Variants in ERGIC1 observed in about 807,000 individuals in gnomAD.
The protein encoded by ERGIC1 is endoplasmic reticulum-Golgi intermediate compartment protein 1.
Under a neutral mutation model 38.3 loss-of-function variants are expected in ERGIC1, and 19 were observed. The observed-to-expected ratio is 0.50, with a 90% CI of 0.35 to 0.73. The LOEUF (loss-of-function observed/expected upper bound fraction) is 0.73, where lower values mean the gene tolerates loss of function less well. ERGIC1 is among the 30% of genes least tolerant of loss of function. The pLI is 0.01. For missense variants in ERGIC1, 294 were observed against 389.2 expected (o/e 0.76, Z 2.06); for synonymous variants, 124 against 157.6 (o/e 0.79, Z 1.60).
intron 9 of ERGIC1, among the ~76,000 whole-genome samples, chr5:172,946,899 G>T (rs550950640): frequency 6.6e-6 from 1 of 151,572 alleles, no homozygotes; most frequent in Non-Finnish European, 1.5e-5. Flanking sequence ...TTTAAGTCAC[G>T]GGGCCAGGCA....
chr5:172,948,659 C>T (rs1198322448), intron 9 of ERGIC1, among the ~76,000 whole-genome samples: 2 of 152,178 alleles, frequency 1.3e-5, no homozygotes, highest in East Asian at 1.9e-4. Context: ...CTGTAGGGCT[C>T]CTGCTGCTCC....
At chr5:172,922,469 G>A (rs1763545413) in intron 5 of ERGIC1, 1 of 152,696 alleles carries the variant, frequency 6.5e-6, no homozygotes, top group Non-Finnish European at 1.5e-5. Context: ...GCTGTAGCAG[G>A]TAAGGGGATG....
At chr5:172,850,486 C>T (rs966913173) in intron 1 of ERGIC1, among the ~76,000 whole-genome samples, 13 of 152,160 alleles carry the variant, frequency 8.5e-5, no homozygotes, top group Admixed American at 2.6e-4. Flanking sequence ...GCTGAGGGCT[C>T]GGGGGAGTAG....
chr5:172,887,235 G>A (rs1762445147), intron 1 of ERGIC1, among the ~76,000 whole-genome samples: 1 of 152,128 alleles, frequency 6.6e-6, no homozygotes. Context: ...CACCCCCAAG[G>A]GCTGGAGCCG....
At chr5:172,935,144 T>C (rs767253308) in intron 8 of ERGIC1, 44 bp from the exon 9 acceptor site, 2 of 1,600,136 alleles carry the variant, frequency 1.2e-6, no homozygotes, top group African/African-American at 1.5e-5. Flanking sequence ...CCGCCCCCCC[T>C]GAGACACAGT....
In ERGIC1 at chr5:172,863,933, C is replaced by T. The variant is rs376122370; in HGVS notation, c.21-24766C>T. Among the ~76,000 whole-genome samples the T allele has an allele frequency of 1.2e-4, 18 of 152,328 alleles. No homozygotes were observed. The South Asian group carries it at 1.9e-3, about 16-fold the overall frequency. On this transcript the variant is annotated intron_variant, in intron 1 of 9. Transcript: ENST00000393784. ...CAACATGGCCGGGCGCGGTGGCTCA[C>T]GCCTGTAATCCCAGCACTTTGGGAG...
At chr5:172,884,248 T>G (rs1479437757) in intron 1 of ERGIC1, among the ~76,000 whole-genome samples, 3 of 110,166 alleles carry the variant, frequency 2.7e-5, no homozygotes, top group Admixed American at 9.5e-5. Context: ...CCCCAAGTTT[T>G]TTTTTTTTTT....
At chr5:172,914,397 C>T (rs1044747272) in intron 4 of ERGIC1, among the ~76,000 whole-genome samples, 7 of 152,114 alleles carry the variant, frequency 4.6e-5, no homozygotes, top group African/African-American at 1.7e-4. Context: ...TATGGTCAGC[C>T]CCCCATCTTA....
intron 3 of ERGIC1, 141 bp from the exon 4 acceptor site, chr5:172,909,526 A>C: frequency 1.9e-5 from 13 of 687,916 alleles, no homozygotes; most frequent in Non-Finnish European, 3.4e-5. Flanking sequence ...GCCTGAGGGC[A>C]CAGGAGGTGC....
chr5:172,836,135 C>T (rs900952933), intron 1 of ERGIC1, among the ~76,000 whole-genome samples: 1 of 152,216 alleles, frequency 6.6e-6, no homozygotes, highest in African/African-American at 2.4e-5. Context: ...AAATGAGGCT[C>T]CAGGGATGAG....
At chr5:172,885,124 A>T (rs926421874) in intron 1 of ERGIC1, among the ~76,000 whole-genome samples, 4 of 151,844 alleles carry the variant, frequency 2.6e-5, no homozygotes, top group Non-Finnish European at 4.4e-5. Flanking sequence ...TTTATTTTTT[A>T]ATTTTTATTT....
intron 1 of ERGIC1, among the ~76,000 whole-genome samples, chr5:172,883,053 C>T (rs1762324027): frequency 6.6e-6 from 1 of 152,176 alleles, no homozygotes; most frequent in Admixed American, 6.5e-5. Context: ...CCACCTCAGC[C>T]TCCTGAGTAA....
intron 1 of ERGIC1, among the ~76,000 whole-genome samples, chr5:172,886,745 CAAAG>C (rs1314926338): frequency 6.6e-6 from 1 of 152,148 alleles, no homozygotes; most frequent in Non-Finnish European, 1.5e-5. Context: ...ACTTTATAGA[CAAAG>C]AAACTGAGGC....
intron 1 of ERGIC1, among the ~76,000 whole-genome samples, chr5:172,883,828 A>G (rs1762344795): frequency 3.3e-5 from 5 of 152,168 alleles, no homozygotes. Context: ...CAAAAAAATT[A>G]AAAAATTAGC....
chr5:172,859,780 C>T (rs1761651089), intron 1 of ERGIC1, among the ~76,000 whole-genome samples: 1 of 152,234 alleles, frequency 6.6e-6, no homozygotes, highest in Non-Finnish European at 1.5e-5. Flanking sequence ...ACACAGTGGC[C>T]TTGGCAAGAC....
At chr5:172,862,396 C>G (rs1311966191) in intron 1 of ERGIC1, among the ~76,000 whole-genome samples, 1 of 149,574 alleles carries the variant, frequency 6.7e-6, no homozygotes, top group South Asian at 2.2e-4. Context: ...TGGAGACTTC[C>G]TTACACCATC....
At position 172,950,649 on chromosome 5, in the gene ERGIC1, C is replaced by T. The variant is rs1351953185; in HGVS notation, c.766-60C>T. On this transcript the variant is annotated intron_variant, in intron 9 of 9. Transcript: ENST00000393784. ...ATCTCATGATGTGGGAGGGGTCTGGCCTGGTTCATCCTCCAGCACTGACTT... is the reference window on the plus strand; with the variant it reads ...ATCTCATGATGTGGGAGGGGTCTGGTCTGGTTCATCCTCCAGCACTGACTT... The T allele has an allele frequency of 3.3e-6, 5 of 1,499,060 alleles. No homozygotes were observed. The East Asian group carries it at 9.2e-5, about 28-fold the overall frequency. 92.9% of individuals were successfully genotyped at this position (1,499,060 alleles called of 1,614,324 possible). A position where few individuals can be genotyped will look rare whatever the true frequency, so the allele number is the denominator to read the frequency against.
At chr5:172,895,089 A>T (rs1762690594) in intron 2 of ERGIC1, among the ~76,000 whole-genome samples, 1 of 152,248 alleles carries the variant, frequency 6.6e-6, no homozygotes. Flanking sequence ...AATGCAGCAG[A>T]ATCAGCAAGA....
In ERGIC1 at chr5:172,935,510, T is replaced by G. The variant is rs112591984; in HGVS notation, c.765+200T>G. On this transcript the variant is annotated intron_variant, in intron 9 of 9. Coordinates refer to ENST00000393784, the MANE Select transcript of ERGIC1 (RefSeq NM_001031711.3). ...CAGAAACACATCAGTATCGATGACGTTTTGTCTAGAAAGTATTTTCCAGAG... is the reference window on the plus strand; with the variant it reads ...CAGAAACACATCAGTATCGATGACGGTTTGTCTAGAAAGTATTTTCCAGAG... 10 of 612,884 alleles carry G rather than the reference T, an allele frequency of 1.6e-5. No homozygotes were observed. The African/African-American group carries it at 1.7e-4, about 10-fold the overall frequency. 38.0% of individuals were successfully genotyped at this position (612,884 alleles called of 1,614,324 possible). A position where few individuals can be genotyped will look rare whatever the true frequency, so the allele number is the denominator to read the frequency against.
Sources: allele counts gnomAD v4.1 joint callset (sites outside exome capture counted in the v4.1 genomes callset), GRCh38; gene constraint gnomAD v4.1.1; transcripts MANE v1.5; gene names NCBI Gene and HGNC (gene_info 2026-07-23, HGNC 2026-07-21).